ZYG11A: variants seen among roughly 807,000 people sequenced by gnomAD.
The protein encoded by ZYG11A is protein zyg-11 homolog A.
Under a neutral mutation model 77.2 loss-of-function variants are expected in ZYG11A, and 62 were observed. That is an observed-to-expected ratio of 0.80 (90% CI 0.65 to 0.99). The LOEUF (loss-of-function observed/expected upper bound fraction) is 0.99, where lower values mean the gene tolerates loss of function less well. ZYG11A is among the 50% of genes least tolerant of loss of function. The pLI is 0.00. For missense variants in ZYG11A, 828 were observed against 896.8 expected (o/e 0.92, Z 0.98); for synonymous variants, 315 against 324.6 (o/e 0.97, Z 0.32).
chr1:52,873,578 T>C (rs190798994), intron 8 of ZYG11A, among the ~76,000 whole-genome samples: 1 of 152,308 alleles, frequency 6.6e-6, no homozygotes, highest in Admixed American at 6.5e-5. Context: ...GGAATCTAGT[T>C]CTGGTGAAGA....
chr1:52,866,596 G>A (rs1343135403), intron 6 of ZYG11A, 29 bp downstream of exon 6: 4 of 1,404,050 alleles, frequency 2.8e-6, no homozygotes, highest in Non-Finnish European at 3.9e-6. Flanking sequence ...CATTTGACTG[G>A]GGTGTTGGCC....
chr1:52,862,761 A>T (rs996521616), intron 4 of ZYG11A, among the ~76,000 whole-genome samples: 1 of 151,914 alleles, frequency 6.6e-6, no homozygotes, highest in Non-Finnish European at 1.5e-5. Context: ...ATTGAATTAG[A>T]TGTTCTTCTG....
intron 11 of ZYG11A, 52 bp from the exon 12 acceptor site, chr1:52,885,781 G>T: frequency 7.4e-7 from 1 of 1,347,124 alleles, no homozygotes; most frequent in Non-Finnish European, 1.0e-6. Flanking sequence ...ACATTTTGTT[G>T]TAAATGATGG....
intron 1 of ZYG11A, among the ~76,000 whole-genome samples, chr1:52,849,807 C>G (rs11578862): frequency 0.012 from 1,761 of 151,390 alleles, 8 homozygotes; most frequent in Non-Finnish European, 0.019. Context: ...CTCAGCCTCC[C>G]GAGTAGCTGG....
intron 5 of ZYG11A, among the ~76,000 whole-genome samples, chr1:52,864,663 T>C (rs1645991167): frequency 6.6e-6 from 1 of 152,066 alleles, no homozygotes; most frequent in Non-Finnish European, 1.5e-5. Context: ...TTCTTTTTTT[T>C]GAGAGATTTT....
At position 52,857,631 on chromosome 1, in the gene ZYG11A, G is replaced by A; in HGVS notation, c.890G>A (p.Cys297Tyr). The A allele has an allele frequency of 1.9e-6, 3 of 1,552,056 alleles. No individual in the cohort carries two copies. The highest frequency in any genetic ancestry group is 2.6e-6 in the Non-Finnish European group (3 of 1,147,066). The part of the protein sequence containing the change: ...VVSLDISGGN[C>Y]ITDEAVELFI... ...TCATTGGATATTTCTGGGGGCAATTGCATCACTGATGAAGCTGTAGAACTG... is the reference window on the plus strand; with the variant it reads ...TCATTGGATATTTCTGGGGGCAATTACATCACTGATGAAGCTGTAGAACTG... Residue 297 changes from cysteine (C) to tyrosine (Y), a missense_variant, in exon 3 of 14, where the codon TGC becomes TAC. By Grantham distance (194) the Cys-to-Tyr change is radical. Coordinates refer to ENST00000371528, the MANE Select transcript of ZYG11A (RefSeq NM_001004339.3).
At chr1:52,883,438 A>T (rs1016653521) in intron 11 of ZYG11A, among the ~76,000 whole-genome samples, 1 of 141,264 alleles carries the variant, frequency 7.1e-6, no homozygotes, top group Non-Finnish European at 1.5e-5. Context: ...TAAAAAAAAG[A>T]TTTTTTTTTT....
At chr1:52,861,918 T>A (rs1271827905) in intron 4 of ZYG11A, among the ~76,000 whole-genome samples, 2 of 151,740 alleles carry the variant, frequency 1.3e-5, no homozygotes, top group Non-Finnish European at 2.9e-5. Context: ...AGAAAAAAAA[T>A]TAGCTTCTGG....
intron 1 of ZYG11A, among the ~76,000 whole-genome samples, chr1:52,846,320 A>T (rs1189596960): frequency 0.011 from 52 of 4,712 alleles, 2 homozygotes; most frequent in African/African-American, 0.059. Flanking sequence ...TTATATATAT[A>T]TATATATATA....
At position 52,854,639 on chromosome 1, in the gene ZYG11A, A is replaced by G; in HGVS notation, c.256+9A>G. 6.6e-7 allele frequency: 1 copy of G among 1,515,960 alleles called. No homozygotes were observed. The highest frequency in any genetic ancestry group is 8.9e-7 in the Non-Finnish European group (1 of 1,122,788). The allele number at this position is 1,515,960 out of a possible 1,614,324, so 93.9% of individuals were successfully genotyped here. Reference sequence around the variant, plus strand: ...GGTGATGACTTGGCAAGGTAGTGATAAGGCTTCTCTAAAGTCAGCTCTTGC... The same window carrying G: ...GGTGATGACTTGGCAAGGTAGTGATGAGGCTTCTCTAAAGTCAGCTCTTGC... On this transcript the variant is annotated intron_variant, in intron 2 of 13. Coordinates refer to ENST00000371528, the MANE Select transcript of ZYG11A (RefSeq NM_001004339.3).
intron 11 of ZYG11A, 129 bp from the exon 12 acceptor site, chr1:52,885,704 C>T (rs1025625534): frequency 9.2e-6 from 6 of 653,124 alleles, no homozygotes; most frequent in South Asian, 2.0e-5. Flanking sequence ...TGTATATAAT[C>T]GTTATGTGAT....
chr1:52,859,148 C>T (rs1380537664), intron 3 of ZYG11A, among the ~76,000 whole-genome samples: 1 of 151,410 alleles, frequency 6.6e-6, no homozygotes, highest in East Asian at 1.9e-4. Flanking sequence ...CTCACTGCAA[C>T]CTCTGCTGTG....
Position 52,857,249 on chromosome 1 carries a change from C to G in ZYG11A, c.508C>G (p.Gln170Glu), listed in dbSNP as rs1392139845. 7 of 1,552,070 alleles carry G rather than the reference C, an allele frequency of 4.5e-6. No individual in the cohort carries two copies. In the Admixed American group the frequency reaches 1.4e-4, roughly 30 times the overall value. Residue 170 changes from glutamine to glutamate, a missense_variant, in exon 3 of 14, where the codon CAA becomes GAA. By Grantham distance (29) the Gln-to-Glu change is conservative (BLOSUM62 2). Coordinates refer to ENST00000371528, the MANE Select transcript of ZYG11A (RefSeq NM_001004339.3). ...CLLLDSTSIP[Q>E]NSRLLFFSQL... ...CCTGTTAGACTCGACAAGCATCCCT[C>G]AAAATTCAAGATTACTGTTCTTTAG... is the stretch of plus-strand genomic sequence containing the variant.
intron 1 of ZYG11A, among the ~76,000 whole-genome samples, chr1:52,844,610 T>C (rs1481231960): frequency 6.6e-6 from 1 of 152,164 alleles, no homozygotes; most frequent in Non-Finnish European, 1.5e-5. Context: ...GTCATTTTAA[T>C]CTTCTCTTAG....
At chr1:52,877,429 G>A (rs544985082) in intron 8 of ZYG11A, among the ~76,000 whole-genome samples, 1 of 152,230 alleles carries the variant, frequency 6.6e-6, no homozygotes, top group South Asian at 2.1e-4. Flanking sequence ...AGCTAATAAT[G>A]TACTTGATGA....
At chr1:52,844,327 A>C (rs1645521465) in intron 1 of ZYG11A, among the ~76,000 whole-genome samples, 2 of 152,214 alleles carry the variant, frequency 1.3e-5, no homozygotes, top group Admixed American at 6.6e-5. Context: ...ACTCATTTAG[A>C]AAAGTTATAT....
intron 1 of ZYG11A, among the ~76,000 whole-genome samples, chr1:52,846,154 G>A (rs1350999910): frequency 6.6e-6 from 1 of 150,928 alleles, no homozygotes; most frequent in Non-Finnish European, 1.5e-5. Flanking sequence ...GTCACTCAAA[G>A]GTAGCTGTTT....
At chr1:52,869,387 T>G (rs952499647) in intron 8 of ZYG11A, among the ~76,000 whole-genome samples, 7 of 151,564 alleles carry the variant, frequency 4.6e-5, no homozygotes, top group African/African-American at 1.7e-4. Flanking sequence ...CAGAGGACCC[T>G]GCGGCCTTCC....
chr1:52,863,203 C>G (rs910893861), intron 4 of ZYG11A, among the ~76,000 whole-genome samples: 15 of 152,186 alleles, frequency 9.9e-5, no homozygotes, highest in African/African-American at 3.6e-4. Context: ...GGAAACAGAT[C>G]ACAGTGTCCT....
Sources: gnomAD v4.1 joint callset for allele counts (sites outside exome capture counted in the v4.1 genomes callset) on GRCh38, gnomAD v4.1.1 for gene constraint, MANE v1.5 for transcripts, NCBI Gene and HGNC (gene_info 2026-07-23, HGNC 2026-07-21) for gene names.